ABCB1: variants seen among roughly 807,000 people sequenced by gnomAD.
The protein encoded by ABCB1 is ATP binding cassette subfamily B member 1, also known as ATP-dependent translocase ABCB1.
Under a neutral mutation model 142.0 loss-of-function variants are expected in ABCB1, and 69 were observed. That is an observed-to-expected ratio of 0.49 (90% CI 0.40 to 0.59). The LOEUF (loss-of-function observed/expected upper bound fraction) is 0.59, where lower values mean the gene tolerates loss of function less well. ABCB1 is among the 20% of genes least tolerant of loss of function. The pLI, the probability that ABCB1 is intolerant of heterozygous loss-of-function variation, is 0.00. For synonymous variants in ABCB1, 532 were observed against 539.2 expected (o/e 0.99, Z 0.18); for missense variants, 1,326 against 1,554.7 (o/e 0.85, Z 2.47).
At chr7:87,576,347 A>G (rs1989830) in intron 4 of ABCB1, among the ~76,000 whole-genome samples, 105,536 of 150,564 alleles carry the variant, frequency 0.7, 37,417 homozygotes, top group East Asian at 0.98. Context: ...CTATAACTTA[A>G]CCTATTCAAA....
At chr7:87,585,042 A>G (rs764730061) in intron 4 of ABCB1, among the ~76,000 whole-genome samples, 39 of 151,904 alleles carry the variant, frequency 2.6e-4, no homozygotes, top group Non-Finnish European at 4.7e-4. Flanking sequence ...GTCCAAAACT[A>G]AATTTCTGGG....
chr7:87,680,050 C>A (rs1826772171), intron 1 of ABCB1, among the ~76,000 whole-genome samples: 1 of 150,436 alleles, frequency 6.6e-6, no homozygotes, highest in African/African-American at 2.5e-5. Flanking sequence ...AGACAGGCCC[C>A]AGTATATGAC....
chr7:87,526,461 G>A (rs1358905169), intron 21 of ABCB1, among the ~76,000 whole-genome samples: 9 of 151,746 alleles, frequency 5.9e-5, no homozygotes, highest in Admixed American at 2.6e-4. Context: ...CAGGAGGATC[G>A]CTTGAGCTCA....
intron 2 of ABCB1, among the ~76,000 whole-genome samples, chr7:87,599,560 G>A (rs1443819957): frequency 6.6e-6 from 1 of 152,148 alleles, no homozygotes; most frequent in Non-Finnish European, 1.5e-5. Context: ...CCTGTCTGGG[G>A]CAGGAAAGCT....
chr7:87,634,893 A>T (rs1821608845), intron 1 of ABCB1, among the ~76,000 whole-genome samples: 1 of 152,200 alleles, frequency 6.6e-6, no homozygotes, highest in African/African-American at 2.4e-5. Context: ...TAATTAGTAG[A>T]TGCGCACAAT....
At chr7:87,516,479 T>C (rs755449901) in intron 24 of ABCB1, 30 bp downstream of exon 24, 1 of 1,613,534 alleles carries the variant, frequency 6.2e-7, no homozygotes, top group African/African-American at 1.3e-5. Flanking sequence ...GAGTCAGGAG[T>C]AGATCAAACA....
At chr7:87,666,266 T>C (rs1241742473) in intron 1 of ABCB1, among the ~76,000 whole-genome samples, 1 of 152,198 alleles carries the variant, frequency 6.6e-6, no homozygotes, top group African/African-American at 2.4e-5. Context: ...TTTCATATGC[T>C]TGTGGGCCGT....
At position 87,549,386 on chromosome 7, in the gene ABCB1, T is replaced by C; in HGVS notation, c.1687A>G (p.Thr563Ala). 1.2e-6 allele frequency: 2 copies of C among 1,614,222 alleles called. No individual in the cohort carries two copies. Among genetic ancestry groups the C allele is most frequent in the Non-Finnish European group, 1.7e-6 (2 of 1,180,028 alleles). The change falls in exon 14 of 28, where the codon ACA (threonine) becomes GCA (alanine). Residue 563 changes from threonine (T) to alanine (A), a missense_variant. Coordinates refer to ENST00000622132, the MANE Select transcript of ABCB1 (RefSeq NM_001348946.2). ...LLDEATSALD[T>A]ESEAVVQVAL... ...ACCTGAACCACTGCTTCGCTTTCTG[T>C]GTCCAAGGCTGACGTGGCCTCATCC...
chr7:87,638,500 T>C (rs1822070843), intron 1 of ABCB1, among the ~76,000 whole-genome samples: 1 of 152,166 alleles, frequency 6.6e-6, no homozygotes, highest in Non-Finnish European at 1.5e-5. Context: ...AATCATTTAG[T>C]AACGGAATCA....
intron 2 of ABCB1, among the ~76,000 whole-genome samples, chr7:87,597,600 ATGTT>A (rs1377545229): frequency 2.0e-5 from 3 of 152,112 alleles, no homozygotes; most frequent in Non-Finnish European, 4.4e-5. Flanking sequence ...ATCTACCTAA[ATGTT>A]TGTATCATAA....
intron 1 of ABCB1, among the ~76,000 whole-genome samples, chr7:87,612,889 G>A (rs1584922910): frequency 1.3e-5 from 2 of 151,968 alleles, no homozygotes; most frequent in South Asian, 4.1e-4. Context: ...TTTCTAATCT[G>A]TGAGCATGGG....
chr7:87,567,832 C>T (rs1192166003), intron 5 of ABCB1, among the ~76,000 whole-genome samples: 2 of 152,128 alleles, frequency 1.3e-5, no homozygotes, highest in Admixed American at 1.3e-4. Context: ...TGGTGGCTCA[C>T]GCCTATAATC....
chr7:87,549,168 C>T (rs2129699492), intron 14 of ABCB1, among the ~76,000 whole-genome samples, 180 bp downstream of exon 14: 1 of 152,098 alleles, frequency 6.6e-6, no homozygotes, highest in African/African-American at 2.4e-5. Flanking sequence ...AGAAATTGAA[C>T]AATAAAACAA....
At chr7:87,599,986 A>G in intron 2 of ABCB1, 131 bp downstream of exon 2, 1 of 903,644 alleles carries the variant, frequency 1.1e-6, no homozygotes, top group Admixed American at 2.1e-5. Flanking sequence ...TATTGATTCC[A>G]AAGGCTAGCT....
chr7:87,518,051 G>C (rs1416934580), intron 23 of ABCB1, among the ~76,000 whole-genome samples: 1 of 152,080 alleles, frequency 6.6e-6, no homozygotes, highest in African/African-American at 2.4e-5. Context: ...TTATTAATAT[G>C]CTTTTTTTAA....
intron 4 of ABCB1, among the ~76,000 whole-genome samples, chr7:87,572,481 T>C (rs981841168): frequency 6.6e-6 from 1 of 152,170 alleles, no homozygotes; most frequent in African/African-American, 2.4e-5. Context: ...TCAAAATACA[T>C]AGAAAACAAG....
intron 4 of ABCB1, among the ~76,000 whole-genome samples, chr7:87,575,320 G>A (rs1818227020): frequency 6.6e-6 from 1 of 152,086 alleles, no homozygotes; most frequent in Non-Finnish European, 1.5e-5. Context: ...AAATTATATT[G>A]AAAAGGTGGT....
chr7:87,566,832 G>T lies in ABCB1; in HGVS notation c.483C>A (p.Gly161=). The change falls in exon 6 of 28, where the codon GGC becomes GGA. Residue 161 remains glycine (G), a synonymous_variant. Transcript: ENST00000622132. ...FFHAIMRQEI[G]WFDVHDVGEL... is the part of the protein sequence containing the mutation. The stretch of plus-strand genomic sequence containing the variant: ...CCCCAACATCGTGCACATCAAACCA[G>T]CCTATCTCCTGTCGCATTATAGCAT... 6.2e-7 allele frequency: 1 copy of T among 1,614,078 alleles called. No individual in the cohort carries two copies. The highest frequency in any genetic ancestry group is 8.5e-7 in the Non-Finnish European group (1 of 1,180,032).
chr7:87,677,398 C>T (rs775552797), intron 1 of ABCB1, among the ~76,000 whole-genome samples: 2 of 147,128 alleles, frequency 1.4e-5, no homozygotes, highest in Admixed American at 1.4e-4. Flanking sequence ...GGTCAATAAA[C>T]TACATGAAAT....
Sources: gnomAD v4.1 joint callset for allele counts (sites outside exome capture counted in the v4.1 genomes callset) on GRCh38, gnomAD v4.1.1 for gene constraint, MANE v1.5 for transcripts, NCBI Gene and HGNC (gene_info 2026-07-23, HGNC 2026-07-21) for gene names.